TRIO: variants seen among roughly 807,000 people sequenced by gnomAD.
TRIO encodes the protein trio Rho guanine nucleotide exchange factor.
A neutral mutation model predicts 351.9 loss-of-function variants in TRIO; 58 were observed. That is an observed-to-expected ratio of 0.16 (90% confidence interval 0.13 to 0.21). TRIO has a LOEUF of 0.21. TRIO is among the 10% of genes least tolerant of loss of function. The pLI, the probability that TRIO is intolerant of heterozygous loss-of-function variation, is 1.00. For synonymous variants in TRIO, 1,758 were observed against 1,595.7 expected, an observed-to-expected ratio of 1.10 and a Z score of -2.42; for missense variants, 3,201 against 4,027.8, an observed-to-expected ratio of 0.79 and a Z score of 5.56.
intron 1 of TRIO, among the ~76,000 whole-genome samples, chr5:14,159,976 C>T (rs1000571249): frequency 3.3e-5 from 5 of 152,132 alleles, no homozygotes; most frequent in Admixed American, 1.3e-4. Context: ...TGCATAAAAT[C>T]GCATATGCTC....
At chr5:14,178,140 A>G (rs1414801498) in intron 1 of TRIO, among the ~76,000 whole-genome samples, 1 of 152,190 alleles carries the variant, frequency 6.6e-6, no homozygotes, top group Non-Finnish European at 1.5e-5. Context: ...ATAGTCTGCT[A>G]GGGCAGAGAT....
rs1366011526 is a variant in TRIO at position 14,498,201 on chromosome 5, C to T, written c.8160C>T (p.Gly2720=). ...GRPKASITWK[G]PEHNTLNNDG... Reference sequence around the variant, plus strand: ...CCAAAGCCTCAATTACCTGGAAGGGCCCTGAACACAACACCTTGAACAACG... The same window carrying T: ...CCAAAGCCTCAATTACCTGGAAGGGTCCTGAACACAACACCTTGAACAACG... Residue 2720 remains glycine (G), a synonymous_variant, in exon 52 of 57, where the codon GGC becomes GGT. Coordinates refer to ENST00000344204, the MANE Select transcript of TRIO (RefSeq NM_007118.4). 6.2e-7 allele frequency: 1 copy of T among 1,614,212 alleles called. No individual in the cohort carries two copies. The highest frequency in any genetic ancestry group is 8.5e-7 in the Non-Finnish European group (1 of 1,180,034).
intron 9 of TRIO, among the ~76,000 whole-genome samples, chr5:14,326,509 A>G (rs1442559976): frequency 1.3e-5 from 2 of 152,058 alleles, no homozygotes; most frequent in Non-Finnish European, 1.5e-5. Context: ...CCCACACCAC[A>G]CCCTCTGAAC....
At chr5:14,424,090 C>CAAAA (rs905447022) in intron 34 of TRIO, among the ~76,000 whole-genome samples, 1 of 151,848 alleles carries the variant, frequency 6.6e-6, no homozygotes, top group African/African-American at 2.4e-5. Context: ...AAGAAGAGAC[C>CAAAA]TTTTGGTGGC....
intron 1 of TRIO, among the ~76,000 whole-genome samples, chr5:14,238,995 G>A (rs540427175): frequency 6.6e-6 from 1 of 152,332 alleles, no homozygotes; most frequent in African/African-American, 2.4e-5. Flanking sequence ...TGGTGACGCC[G>A]ATGAGGCTTG....
intron 1 of TRIO, among the ~76,000 whole-genome samples, chr5:14,259,071 C>T: frequency 6.6e-6 from 1 of 152,334 alleles, no homozygotes; most frequent in East Asian, 1.9e-4. Flanking sequence ...CGTCTCCAAG[C>T]AGTGATTTCC....
At chr5:14,476,812 GA>G in intron 40 of TRIO, 81 bp from the exon 41 acceptor site, 2 of 981,498 alleles carry the variant, frequency 2.0e-6, no homozygotes, top group East Asian at 2.6e-5. Flanking sequence ...AAGAAAAAAA[GA>G]AAAAGAAAAA....
At chr5:14,330,945 G>C (rs777317452) in intron 10 of TRIO, 45 bp downstream of exon 10, 6 of 1,606,352 alleles carry the variant, frequency 3.7e-6, no homozygotes, top group South Asian at 2.2e-5. Flanking sequence ...ATACCCGTGT[G>C]GTTGATTTTG....
chr5:14,294,642 A>G (rs1451495952), intron 6 of TRIO, among the ~76,000 whole-genome samples: 1 of 152,176 alleles, frequency 6.6e-6, no homozygotes, highest in Non-Finnish European at 1.5e-5. Flanking sequence ...AAGACAGGAA[A>G]ATGGGTTGTG....
chr5:14,456,703 G>A (rs571589029), intron 34 of TRIO, among the ~76,000 whole-genome samples: 1 of 152,286 alleles, frequency 6.6e-6, no homozygotes, highest in South Asian at 2.1e-4. Flanking sequence ...CTAGAGCTCT[G>A]TGTTTATGGT....
At chr5:14,435,028 T>A (rs1015082930) in intron 34 of TRIO, among the ~76,000 whole-genome samples, 6 of 152,226 alleles carry the variant, frequency 3.9e-5, no homozygotes, top group Admixed American at 1.3e-4. Flanking sequence ...ACGTCAGGGG[T>A]ACAGGGTATC....
At chr5:14,289,743 G>C (rs1452328371) in intron 4 of TRIO, among the ~76,000 whole-genome samples, 8 of 152,000 alleles carry the variant, frequency 5.3e-5, no homozygotes, top group Non-Finnish European at 8.8e-5. Flanking sequence ...CCAGCTACTC[G>C]GGAGGCTGAG....
chr5:14,255,195 G>A (rs1794961693), intron 1 of TRIO, among the ~76,000 whole-genome samples: 1 of 152,152 alleles, frequency 6.6e-6, no homozygotes, highest in South Asian at 2.1e-4. Context: ...AAGAGGATGT[G>A]GAATACAACC....
intron 1 of TRIO, among the ~76,000 whole-genome samples, chr5:14,167,430 A>C (rs1788835885): frequency 6.6e-6 from 1 of 152,144 alleles, no homozygotes; most frequent in Non-Finnish European, 1.5e-5. Context: ...GGGCTGTTTG[A>C]AATCACACAC....
In TRIO at chr5:14,387,765, A is replaced by G. The variant is rs1746674430; in HGVS notation, c.3799A>G (p.Ser1267Gly). The change falls in exon 23 of 57, where the codon AGT (serine) becomes GGT (glycine). Residue 1267 changes from serine (S) to glycine (G), a missense_variant. By Grantham distance (56) the Ser-to-Gly change is moderately conservative. Coordinates refer to ENST00000344204, the MANE Select transcript of TRIO (RefSeq NM_007118.4). Reference protein sequence around the residue: ...KSLQLDIIPASIPGSEVKLRD... With the variant: ...KSLQLDIIPAGIPGSEVKLRD... ...TCTCCAGCTAGATATCATTCCAGCC[A>G]GTATCCCTGGCTCAGAGGTGAAACT... is the stretch of plus-strand genomic sequence containing the variant. 1.2e-6 allele frequency: 2 copies of G among 1,614,252 alleles called. No homozygotes were observed. The highest frequency in any genetic ancestry group is 2.2e-5 in the East Asian group (1 of 44,892).
In TRIO at chr5:14,255,494, G is replaced by A. The variant is rs539826437; in HGVS notation, c.158-15331G>A. Among the ~76,000 whole-genome samples, 9 of 152,360 alleles carry A rather than the reference G, an allele frequency of 5.9e-5. No individual in the cohort carries two copies. The South Asian group carries it at 1.4e-3, about 25-fold the overall frequency. On this transcript the variant is annotated intron_variant, in intron 1 of 56. Coordinates refer to ENST00000344204, the MANE Select transcript of TRIO (RefSeq NM_007118.4). ...AAAACTCAGCACGCACATCAATGTA[G>A]ATGAGTCATGCAAACTGGAGGCAAG...
intron 1 of TRIO, among the ~76,000 whole-genome samples, chr5:14,263,155 T>A (rs1330278038): frequency 6.6e-6 from 1 of 152,218 alleles, no homozygotes; most frequent in Non-Finnish European, 1.5e-5. Flanking sequence ...GATTTTTCCA[T>A]ACCAAATATC....
chr5:14,358,094 C>G (rs1743797987), intron 11 of TRIO, 84 bp from the exon 12 acceptor site: 1 of 1,490,078 alleles, frequency 6.7e-7, no homozygotes, highest in Non-Finnish European at 9.0e-7. Flanking sequence ...CACACCGTCT[C>G]CACTGGGGCC....
chr5:14,488,412 G>A (rs1282595085), intron 48 of TRIO, 152 bp downstream of exon 48: 4 of 1,225,102 alleles, frequency 3.3e-6, no homozygotes, highest in East Asian at 5.2e-5. Flanking sequence ...ACCCTCCTGC[G>A]GGCCGGCCCA....
Sources: allele counts gnomAD v4.1 joint callset (sites outside exome capture counted in the v4.1 genomes callset), GRCh38; gene constraint gnomAD v4.1.1; transcripts MANE v1.5; gene names NCBI Gene and HGNC (gene_info 2026-07-23, HGNC 2026-07-21).